Variants in MAP4K3 observed in about 807,000 individuals in gnomAD.
MAP4K3 encodes the protein MAPK/ERK kinase kinase kinase 3.
MAP4K3 carries 94 observed loss-of-function variants against 143.5 expected under a neutral mutation model. That is an observed-to-expected ratio of 0.65 (90% CI 0.55 to 0.78). The LOEUF (loss-of-function observed/expected upper bound fraction) is 0.78, where lower values mean the gene tolerates loss of function less well. Ranked by LOEUF, MAP4K3 falls within the 30% of genes least tolerant of loss-of-function variation. The pLI, the probability that MAP4K3 is intolerant of heterozygous loss-of-function variation, is 0.00. For missense variants in MAP4K3, 1,077 were observed against 1,068.1 expected, an observed-to-expected ratio of 1.01 and a Z score of -0.12; for synonymous variants, 416 against 347.2, an observed-to-expected ratio of 1.20 and a Z score of -2.20.
At chr2:39,326,888 C>G (rs59707152) in intron 8 of MAP4K3, among the ~76,000 whole-genome samples, 7,207 of 152,126 alleles carry the variant, frequency 0.047, 290 homozygotes, top group African/African-American at 0.1. Flanking sequence ...TTTTGCCTTA[C>G]TCCATGATTG....
Position 39,249,436 on chromosome 2 carries a change from A to G in MAP4K3, c.*1182T>C, listed in dbSNP as rs1353002357. The G allele has an allele frequency of 6.6e-6, 1 of 152,634 alleles. No individual in the cohort carries two copies. The allele number at this position is 152,634 out of a possible 1,614,324, so 9.5% of individuals were successfully genotyped here. On this transcript the variant is annotated 3_prime_UTR_variant, in exon 34 of 34. Transcript: ENST00000263881. Reference sequence around the variant, plus strand: ...TAAAGAACATATACCAAAAAGAGCCAAAAGTGTGCATTTTGCTAAAACCTG... The same window carrying G: ...TAAAGAACATATACCAAAAAGAGCCGAAAGTGTGCATTTTGCTAAAACCTG...
intron 1 of MAP4K3, chr2:39,436,637 A>C: frequency 2.1e-4 from 100 of 478,744 alleles, no homozygotes; most frequent in East Asian, 2.9e-4. Flanking sequence ...CTTCCCTGGA[A>C]ATGCGCGCAA....
chr2:39,363,414 T>C (rs1468000469), intron 2 of MAP4K3, among the ~76,000 whole-genome samples: 1 of 152,184 alleles, frequency 6.6e-6, no homozygotes, highest in Non-Finnish European at 1.5e-5. Context: ...ATGCCTGTTA[T>C]CCCAGCACTT....
intron 8 of MAP4K3, among the ~76,000 whole-genome samples, chr2:39,331,244 A>G (rs1683672978): frequency 6.6e-6 from 1 of 152,162 alleles, no homozygotes; most frequent in African/African-American, 2.4e-5. Flanking sequence ...TATGAACAAA[A>G]AAAGCTCTAT....
At chr2:39,294,718 A>G (rs774390015) in intron 16 of MAP4K3, among the ~76,000 whole-genome samples, 13 of 152,242 alleles carry the variant, frequency 8.5e-5, no homozygotes, top group Non-Finnish European at 1.6e-4. Flanking sequence ...ATGTAGGTAA[A>G]GTGCCCAGAA....
chr2:39,326,186 C>CA lies in MAP4K3; in HGVS notation c.621dup (p.Ala208CysfsTer9). ...TCAAACATAGGAGGCTGAAGCTCTG[C>CA]AAGTTCTATGGCAGTGATTCCCACT... On this transcript the variant is annotated frameshift_variant, in exon 9 of 34. Coordinates refer to ENST00000263881, the MANE Select transcript of MAP4K3 (RefSeq NM_003618.4). LOFTEE classifies it high-confidence loss of function. 1 of 1,613,970 alleles carries CA rather than the reference C, an allele frequency of 6.2e-7. No homozygotes were observed. Among genetic ancestry groups the CA allele is most frequent in the South Asian group, 1.1e-5 (1 of 91,044 alleles).
At chr2:39,413,477 G>A (rs553601977) in intron 1 of MAP4K3, among the ~76,000 whole-genome samples, 15 of 152,202 alleles carry the variant, frequency 9.9e-5, no homozygotes, top group Admixed American at 9.8e-4. Context: ...TGGTATTGCT[G>A]AGAAAAACAA....
At chr2:39,256,732 C>G (rs1429796241) in intron 31 of MAP4K3, among the ~76,000 whole-genome samples, 1 of 152,104 alleles carries the variant, frequency 6.6e-6, no homozygotes, top group Non-Finnish European at 1.5e-5. Flanking sequence ...CTGATTTATT[C>G]AGAATTCCTT....
rs570853243 is a variant in MAP4K3, at chr2:39,337,752, G to GTTTTTTTTTTTTTTT, written c.311-186_311-172dup. Among the ~76,000 whole-genome samples the GTTTTTTTTTTTTTTT allele has an allele frequency of 1.1e-4, 8 of 70,512 alleles. 1 individual carries two copies. The highest frequency in any genetic ancestry group is 5.2e-4 in the East Asian group (1 of 1,918). 46.3% of individuals were successfully genotyped at this position (70,512 alleles called of 152,430 possible). On this transcript the variant is annotated intron_variant, in intron 4 of 33. Coordinates refer to ENST00000263881, the MANE Select transcript of MAP4K3 (RefSeq NM_003618.4). ...TACTGTCCTACTGTGCCTGGCTCCA[G>GTTTTTTTTTTTTTTT]TTTTTTTTTTTTTTTTTTTTTTTTT...
At chr2:39,326,310 C>T (rs952884911) in intron 8 of MAP4K3, 33 bp from the exon 9 acceptor site, 8 of 1,608,642 alleles carry the variant, frequency 5.0e-6, no homozygotes, top group Non-Finnish European at 6.8e-6. Context: ...TAAAAAACTT[C>T]TGTTATATGT....
Position 39,351,180 on chromosome 2 carries a change from G to GT in MAP4K3, c.245+5068dup, listed in dbSNP as rs1245410821. Reference sequence around the variant, plus strand: ...TCTGCACATACTGAGAAGTAACTATGTACCCCCTTTTCCCTCTCAGGCTCT... The same window carrying GT: ...TCTGCACATACTGAGAAGTAACTATGTTACCCCCTTTTCCCTCTCAGGCTCT... On this transcript the variant is annotated intron_variant, in intron 3 of 33. Coordinates refer to ENST00000263881, the MANE Select transcript of MAP4K3 (RefSeq NM_003618.4). Among the ~76,000 whole-genome samples the GT allele has an allele frequency of 2.6e-5, 4 of 152,284 alleles. No individual in the cohort carries two copies. In the East Asian group the frequency reaches 7.7e-4, roughly 29 times the overall value.
intron 13 of MAP4K3, among the ~76,000 whole-genome samples, chr2:39,311,683 T>TA (rs758653256): frequency 3.9e-5 from 6 of 152,194 alleles, no homozygotes; most frequent in Non-Finnish European, 8.8e-5. Flanking sequence ...GGCCAATAGT[T>TA]ACGTGAATGA....
intron 28 of MAP4K3, among the ~76,000 whole-genome samples, chr2:39,263,014 C>G (rs902719367): frequency 4.0e-5 from 6 of 151,792 alleles, no homozygotes; most frequent in Non-Finnish European, 8.8e-5. Flanking sequence ...ACTGCTTGAT[C>G]CTGGGAGGCT....
intron 21 of MAP4K3, among the ~76,000 whole-genome samples, chr2:39,286,460 T>C (rs1323437877): frequency 3.3e-5 from 5 of 152,224 alleles, no homozygotes; most frequent in African/African-American, 7.2e-5. Flanking sequence ...GCTTTCTTTA[T>C]CTATGTCCTT....
intron 31 of MAP4K3, among the ~76,000 whole-genome samples, chr2:39,255,613 T>C (rs1172572607): frequency 1.3e-5 from 2 of 152,222 alleles, no homozygotes; most frequent in South Asian, 2.1e-4. Flanking sequence ...TAAGTTTCAA[T>C]ATTGGGTAGA....
chr2:39,412,060 T>A (rs1667246353), intron 1 of MAP4K3, among the ~76,000 whole-genome samples: 2 of 152,238 alleles, frequency 1.3e-5, no homozygotes, highest in African/African-American at 2.4e-5. Context: ...TCTGTGGAAT[T>A]GGAATATTAC....
chr2:39,375,602 C>A (rs1022317321), intron 2 of MAP4K3, among the ~76,000 whole-genome samples: 1 of 152,148 alleles, frequency 6.6e-6, no homozygotes, highest in Non-Finnish European at 1.5e-5. Flanking sequence ...GTTGTAGTTA[C>A]GTATCTTTAA....
chr2:39,416,447 G>T (rs1287025109), intron 1 of MAP4K3, among the ~76,000 whole-genome samples: 1 of 152,128 alleles, frequency 6.6e-6, no homozygotes, highest in African/African-American at 2.4e-5. Context: ...AGAACCACAT[G>T]CTTCTACCAG....
intron 1 of MAP4K3, among the ~76,000 whole-genome samples, chr2:39,398,777 T>A (rs1273649695): frequency 1.3e-5 from 2 of 150,062 alleles, no homozygotes; most frequent in Non-Finnish European, 3.0e-5. Flanking sequence ...AGGCATTGGC[T>A]CATGCCTATA....
Sources: gnomAD v4.1 joint callset for allele counts (sites outside exome capture counted in the v4.1 genomes callset) on GRCh38, gnomAD v4.1.1 for gene constraint, MANE v1.5 for transcripts, NCBI Gene and HGNC (gene_info 2026-07-23, HGNC 2026-07-21) for gene names.